Variants in HMGN4 observed in about 807,000 individuals in gnomAD.
HMGN4 encodes the protein high mobility group nucleosomal binding domain 4, also known as high mobility group nucleosome-binding domain-containing protein 4.
For synonymous variants in HMGN4, 39 were observed against 39.1 expected (o/e 1.00, Z 0.01); for missense variants, 69 against 104.9 (o/e 0.66, Z 1.49).
chr6:26,543,706 A>G (rs1581446651), intron 1 of HMGN4, among the ~76,000 whole-genome samples: 1 of 134,512 alleles, frequency 7.4e-6, no homozygotes, highest in South Asian at 2.6e-4. Context: ...GGTTGCAGTG[A>G]GCCGAGATCG....
At position 26,542,775 on chromosome 6, in the gene HMGN4, G is replaced by A. The variant is rs548073596; in HGVS notation, c.-80-2352G>A. On this transcript the variant is annotated intron_variant, in intron 1 of 1. Transcript: ENST00000377575. The surrounding 1 kb of genome is among the most constrained non-coding windows in gnomAD (Gnocchi z 4.6). ...TTATATACTCAGATACAGCATCCAGGCAGTGGCCTATTTTTCCTGATTTTA... is the reference window on the plus strand; with the variant it reads ...TTATATACTCAGATACAGCATCCAGACAGTGGCCTATTTTTCCTGATTTTA... Among the ~76,000 whole-genome samples the A allele has an allele frequency of 6.6e-6, 1 of 152,294 alleles. No individual in the cohort carries two copies. Among genetic ancestry groups the A allele is most frequent in the East Asian group, 1.9e-4 (1 of 5,186 alleles).
intron 1 of HMGN4, among the ~76,000 whole-genome samples, chr6:26,544,525 T>G (rs1764326255): frequency 6.6e-6 from 1 of 152,226 alleles, no homozygotes; most frequent in South Asian, 2.1e-4. Context: ...ATTACAGTGT[T>G]GCTAGAAACA....
At position 26,542,299 on chromosome 6, in the gene HMGN4, T is replaced by C. The variant is rs1764297987; in HGVS notation, c.-80-2828T>C. ...CATACTTCCTTTCCCCCACCTCAGT[T>C]TCTCCTAAGTTATTAACAACTTACA... is the stretch of plus-strand genomic sequence containing the variant. On this transcript the variant is annotated intron_variant, in intron 1 of 1. Transcript: ENST00000377575. This position sits in a 1 kb window ranked among gnomAD's most constrained non-coding sequence, Gnocchi z 4.6. 6.6e-6 allele frequency among the ~76,000 whole-genome samples: 1 copy of C among 152,176 alleles called. No individual in the cohort carries two copies. Among genetic ancestry groups the C allele is most frequent in the Non-Finnish European group, 1.5e-5 (1 of 68,034 alleles).
intron 1 of HMGN4, among the ~76,000 whole-genome samples, chr6:26,543,421 C>CTTTTTTTTTTTTTTTTT (rs70977285): frequency 0.01 from 814 of 80,112 alleles, 211 homozygotes; most frequent in African/African-American, 0.04. Context: ...GCACCATTAC[C>CTTTTTTTTTTTTTTTTT]TTTTTTTTTT....
At chr6:26,540,229 G>A (rs1025693644) in intron 1 of HMGN4, among the ~76,000 whole-genome samples, 12 of 152,026 alleles carry the variant, frequency 7.9e-5, no homozygotes, top group African/African-American at 2.4e-4. Context: ...CTCATGCTGC[G>A]TCTCTAATAC....
At chr6:26,544,361 G>A (rs906535754) in intron 1 of HMGN4, among the ~76,000 whole-genome samples, 5 of 151,614 alleles carry the variant, frequency 3.3e-5, no homozygotes, top group African/African-American at 7.3e-5. Flanking sequence ...ATTTTTCTTC[G>A]GCATTATATT....
chr6:26,545,183 C>A lies in HMGN4; in HGVS notation c.-24C>A, dbSNP rs1276349695. The A allele has an allele frequency of 4.5e-6, 7 of 1,571,438 alleles. No individual in the cohort carries two copies. The highest frequency in any genetic ancestry group is 5.2e-6 in the Non-Finnish European group (6 of 1,159,336). On this transcript the variant is annotated 5_prime_UTR_variant, in exon 2 of 2. Coordinates refer to ENST00000377575, the MANE Select transcript of HMGN4 (RefSeq NM_006353.3). ...GAAGCACCCAACAGGACTGCTCAAG[C>A]CACCTGCGAACACTGCTGCTACCAT...
chr6:26,538,856 T>C (rs1764252154), intron 1 of HMGN4, among the ~76,000 whole-genome samples: 2 of 152,308 alleles, frequency 1.3e-5, no homozygotes, highest in South Asian at 4.1e-4. Flanking sequence ...AAAGAGGTGG[T>C]GACTGGCAGG....
rs185100572 is a variant in HMGN4 at position 26,542,126 on chromosome 6, G to C, written c.-80-3001G>C. Among the ~76,000 whole-genome samples, 1 of 152,060 alleles carries C rather than the reference G, an allele frequency of 6.6e-6. No homozygotes were observed. The highest frequency in any genetic ancestry group is 1.5e-5 in the Non-Finnish European group (1 of 67,996). ...TTTCTTTTCTTCCACATGCATGAAG[G>C]AGTATTTGTAATGACTTTTATATTT... is the stretch of plus-strand genomic sequence containing the variant. On this transcript the variant is annotated intron_variant, in intron 1 of 1. Transcript: ENST00000377575. The surrounding 1 kb of genome is among the most constrained non-coding windows in gnomAD (Gnocchi z 4.6).
At position 26,546,780 on chromosome 6, in the gene HMGN4, T is replaced by C. The variant is rs1360329183; in HGVS notation, c.*1301T>C. 6.6e-6 allele frequency among the ~76,000 whole-genome samples: 1 copy of C among 152,222 alleles called. No homozygotes were observed. Among genetic ancestry groups the C allele is most frequent in the African/African-American group, 2.4e-5 (1 of 41,460 alleles). ...TATAAATCAAACAAACCCAAGAGCA[T>C]TGAAATTTTGATTGGATTTGTATTG... On this transcript the variant is annotated 3_prime_UTR_variant, in exon 2 of 2. Coordinates refer to ENST00000377575, the MANE Select transcript of HMGN4 (RefSeq NM_006353.3).
chr6:26,544,165 C>G (rs1374558759), intron 1 of HMGN4, among the ~76,000 whole-genome samples: 3 of 152,174 alleles, frequency 2.0e-5, no homozygotes, highest in South Asian at 4.1e-4. Flanking sequence ...CAACCTCCCC[C>G]ATCTCTGGAC....
In HMGN4 at chr6:26,545,229, G is replaced by C; in HGVS notation, c.23G>C (p.Gly8Ala). MPKRKAKGDAKGDKAKVK... is the reference protein window; with the variant it reads MPKRKAKADAKGDKAKVK... ...ACCATGCCCAAGAGAAAGGCAAAAG[G>C]AGATGCTAAAGGTGATAAAGCAAAG... Residue 8 changes from glycine (G) to alanine (A), a missense_variant, in exon 2 of 2, where the codon GGA becomes GCA. By Grantham distance (60) the Gly-to-Ala change is moderately conservative (BLOSUM62 0). Coordinates refer to ENST00000377575, the MANE Select transcript of HMGN4 (RefSeq NM_006353.3). 6.2e-7 allele frequency: 1 copy of C among 1,610,728 alleles called. No individual in the cohort carries two copies. Among genetic ancestry groups the C allele is most frequent in the Admixed American group, 1.7e-5 (1 of 59,408 alleles).
At chr6:26,543,815 A>G (rs1764317914) in intron 1 of HMGN4, among the ~76,000 whole-genome samples, 1 of 149,454 alleles carries the variant, frequency 6.7e-6, no homozygotes, top group African/African-American at 2.4e-5. Flanking sequence ...TTTGGAGACA[A>G]GATTAAAAAA....
chr6:26,540,428 A>G (rs1188818685), intron 1 of HMGN4, among the ~76,000 whole-genome samples: 2 of 150,324 alleles, frequency 1.3e-5, no homozygotes, highest in African/African-American at 4.9e-5. Context: ...TCCGCCTCCC[A>G]GGCTCAAGTG....
chr6:26,541,363 A>G (rs1408364177), intron 1 of HMGN4, among the ~76,000 whole-genome samples: 1 of 152,236 alleles, frequency 6.6e-6, no homozygotes, highest in Non-Finnish European at 1.5e-5. Flanking sequence ...GTTCCCTCCT[A>G]TGTTAGTCCG....
intron 1 of HMGN4, among the ~76,000 whole-genome samples, chr6:26,543,963 G>C (rs1451123151): frequency 6.6e-6 from 1 of 152,056 alleles, no homozygotes; most frequent in East Asian, 1.9e-4. Flanking sequence ...GCCAGCCCTA[G>C]GCCTAAGTCC....
In HMGN4 at chr6:26,542,558, T is replaced by C. The variant is rs1299633154; in HGVS notation, c.-80-2569T>C. Among the ~76,000 whole-genome samples, 1 of 152,204 alleles carries C rather than the reference T, an allele frequency of 6.6e-6. No homozygotes were observed. Among genetic ancestry groups the C allele is most frequent in the Non-Finnish European group, 1.5e-5 (1 of 68,024 alleles). On this transcript the variant is annotated intron_variant, in intron 1 of 1. Transcript: ENST00000377575. This position sits in a 1 kb window ranked among gnomAD's most constrained non-coding sequence, Gnocchi z 4.6. ...ATAATTTCTTCTGAGTTAAAACCACTGTGTGGTGAGAGCTCCTTCCTTTTC... is the reference window on the plus strand; with the variant it reads ...ATAATTTCTTCTGAGTTAAAACCACCGTGTGGTGAGAGCTCCTTCCTTTTC...
At chr6:26,538,627 G>A (rs897724046) in intron 1 of HMGN4, 126 bp downstream of exon 1, 13 of 153,942 alleles carry the variant, frequency 8.4e-5, no homozygotes, top group African/African-American at 3.1e-4. Context: ...AGGGGCCTTG[G>A]GCCCCGTCAG....
At chr6:26,543,657 A>G (rs1764314193) in intron 1 of HMGN4, among the ~76,000 whole-genome samples, 2 of 141,886 alleles carry the variant, frequency 1.4e-5, no homozygotes, top group African/African-American at 5.3e-5. Flanking sequence ...GCTACCCAGG[A>G]GGCTGAGGCA....
Sources: allele counts gnomAD v4.1 joint callset (sites outside exome capture counted in the v4.1 genomes callset), GRCh38; gene constraint gnomAD v4.1.1; non-coding constraint Gnocchi (gnomAD v3.1); transcripts MANE v1.5; gene names NCBI Gene and HGNC (gene_info 2026-07-23, HGNC 2026-07-21).